The following NDUFAF2 variants were observed in gnomAD, a reference collection of about 807,000 sequenced individuals.
NDUFAF2 encodes the protein NADH:ubiquinone oxidoreductase complex assembly factor 2, also known as NADH dehydrogenase [ubiquinone] 1 alpha subcomplex assembly factor 2.
In NDUFAF2, 13 loss-of-function variants were observed where a neutral mutation model predicts 22.8. That is an observed-to-expected ratio of 0.57 (90% CI 0.37 to 0.91). NDUFAF2 has a LOEUF of 0.91. Ranked by LOEUF, NDUFAF2 falls within the 40% of genes least tolerant of loss-of-function variation. The pLI is 0.01. For synonymous variants in NDUFAF2, 53 were observed against 64.2 expected (o/e 0.83, Z 0.84); for missense variants, 162 against 195.2 (o/e 0.83, Z 1.01).
Position 61,117,680 on chromosome 5 carries a change from T to TTA in NDUFAF2, c.258+18648_258+18649insTA, listed in dbSNP as rs1554083835. ...CCAATGCATATGATTGACTTTTTTT[T>TTA]AAAAAAAAAAGAATGTTAAAAAGCA... On this transcript the variant is annotated intron_variant, in intron 3 of 3. Coordinates refer to ENST00000296597, the MANE Select transcript of NDUFAF2 (RefSeq NM_174889.5). Among the ~76,000 whole-genome samples the TTA allele has an allele frequency of 7.0e-4, 105 of 151,020 alleles. 1 individual carries two copies. In the South Asian group the frequency reaches 0.011, roughly 16 times the overall value.
At chr5:60,985,481 G>C (rs528760251) in intron 1 of NDUFAF2, among the ~76,000 whole-genome samples, 1 of 152,096 alleles carries the variant, frequency 6.6e-6, no homozygotes, top group South Asian at 2.1e-4. Context: ...TTTTAATTGT[G>C]ATGTTAGGGT....
At chr5:61,074,531 G>A (rs1440119894) in intron 2 of NDUFAF2, among the ~76,000 whole-genome samples, 1 of 152,076 alleles carries the variant, frequency 6.6e-6, no homozygotes, top group African/African-American at 2.4e-5. Context: ...AGGTTGCAGT[G>A]AGCCAAGATC....
intron 2 of NDUFAF2, among the ~76,000 whole-genome samples, chr5:61,085,058 T>G (rs1752490069): frequency 6.6e-6 from 1 of 152,172 alleles, no homozygotes; most frequent in Non-Finnish European, 1.5e-5. Flanking sequence ...CTCATTTTAT[T>G]AGGCCCTGTT....
chr5:60,998,695 T>C (rs1419482071), intron 1 of NDUFAF2, among the ~76,000 whole-genome samples: 1 of 147,872 alleles, frequency 6.8e-6, no homozygotes, highest in Non-Finnish European at 1.5e-5. Context: ...AAAAATTCCA[T>C]TTTTTTTTTC....
chr5:61,018,875 T>C (rs191163562), intron 1 of NDUFAF2, among the ~76,000 whole-genome samples: 1 of 152,242 alleles, frequency 6.6e-6, no homozygotes, highest in East Asian at 1.9e-4. Flanking sequence ...ATGGATGTTA[T>C]TAGAATACCA....
At chr5:61,043,821 G>A (rs1253831891) in intron 1 of NDUFAF2, among the ~76,000 whole-genome samples, 1 of 152,070 alleles carries the variant, frequency 6.6e-6, no homozygotes, top group Non-Finnish European at 1.5e-5. Context: ...ACATGAGAGT[G>A]CAGATATCTC....
At chr5:61,074,511 C>T (rs1282518428) in intron 2 of NDUFAF2, among the ~76,000 whole-genome samples, 6 of 152,100 alleles carry the variant, frequency 3.9e-5, no homozygotes, top group South Asian at 4.2e-4. Context: ...CACTTGAACC[C>T]GGGGGGCAGA....
intron 1 of NDUFAF2, among the ~76,000 whole-genome samples, chr5:61,024,413 T>A (rs568829901): frequency 4.1e-4 from 63 of 152,192 alleles, no homozygotes; most frequent in African/African-American, 1.5e-3. Context: ...TTAATAAGTT[T>A]ATTTGTTTTA....
At chr5:61,034,742 C>G (rs1751774190) in intron 1 of NDUFAF2, among the ~76,000 whole-genome samples, 1 of 152,068 alleles carries the variant, frequency 6.6e-6, no homozygotes, top group African/African-American at 2.4e-5. Context: ...GAAAGGAACA[C>G]AAAGCCAAGG....
At chr5:61,005,980 C>T (rs1056708334) in intron 1 of NDUFAF2, among the ~76,000 whole-genome samples, 10 of 152,210 alleles carry the variant, frequency 6.6e-5, no homozygotes, top group African/African-American at 2.2e-4. Flanking sequence ...CTTTTGTTGC[C>T]ATTGCTTTTG....
chr5:60,967,292 C>A (rs1339991123), intron 1 of NDUFAF2, among the ~76,000 whole-genome samples: 1 of 151,834 alleles, frequency 6.6e-6, no homozygotes, highest in Non-Finnish European at 1.5e-5. Context: ...TTAACAGATA[C>A]AGTGTAACAT....
chr5:60,989,331 C>T (rs1580082648), intron 1 of NDUFAF2, among the ~76,000 whole-genome samples: 1 of 152,106 alleles, frequency 6.6e-6, no homozygotes, highest in Admixed American at 6.6e-5. Flanking sequence ...TTAGTTCACC[C>T]ATTGTGGAAA....
intron 3 of NDUFAF2, among the ~76,000 whole-genome samples, chr5:61,113,361 T>A (rs1752869111): frequency 1.3e-5 from 2 of 152,186 alleles, no homozygotes; most frequent in East Asian, 3.9e-4. Flanking sequence ...ATTTCTTAGC[T>A]TTGTTTATTT....
chr5:60,957,152 TTTAA>T (rs1371253371), intron 1 of NDUFAF2, among the ~76,000 whole-genome samples: 5 of 152,170 alleles, frequency 3.3e-5, no homozygotes, highest in African/African-American at 9.6e-5. Context: ...TTTATTTATT[TTTAA>T]TTATTGAATT....
At chr5:61,123,745 C>T (rs926107915) in intron 3 of NDUFAF2, among the ~76,000 whole-genome samples, 11 of 152,254 alleles carry the variant, frequency 7.2e-5, no homozygotes, top group African/African-American at 2.6e-4. Context: ...AAGTTTATTA[C>T]AATTAGCAAT....
intron 1 of NDUFAF2, among the ~76,000 whole-genome samples, chr5:61,041,327 T>C (rs147373593): frequency 1.3e-5 from 2 of 152,260 alleles, no homozygotes; most frequent in African/African-American, 2.4e-5. Context: ...GTTTTATAAG[T>C]ATTTGAATAT....
intron 1 of NDUFAF2, among the ~76,000 whole-genome samples, chr5:60,964,595 C>T (rs1369222462): frequency 1.3e-5 from 2 of 151,948 alleles, no homozygotes; most frequent in African/African-American, 2.4e-5. Context: ...GGATTGCAGG[C>T]GTGCACCACC....
chr5:60,991,319 ACAAT>A (rs1751155634), intron 1 of NDUFAF2, among the ~76,000 whole-genome samples: 1 of 152,186 alleles, frequency 6.6e-6, no homozygotes, highest in East Asian at 1.9e-4. Context: ...ACTTTGAGTC[ACAAT>A]CAATCAATTA....
chr5:61,118,084 ACT>A (rs1238106476), intron 3 of NDUFAF2, among the ~76,000 whole-genome samples: 2 of 152,032 alleles, frequency 1.3e-5, no homozygotes, highest in African/African-American at 4.8e-5. Context: ...CTACCTGAGA[ACT>A]CTTTCTGGTC....
Sources: allele counts gnomAD v4.1 joint callset (sites outside exome capture counted in the v4.1 genomes callset), GRCh38; gene constraint gnomAD v4.1.1; transcripts MANE v1.5; gene names NCBI Gene and HGNC (gene_info 2026-07-23, HGNC 2026-07-21).